The following MBD5 variants were observed in gnomAD, a reference collection of about 807,000 sequenced individuals.
MBD5 encodes methyl-CpG binding domain protein 5, also known as methyl-CpG-binding domain protein 5.
Under a neutral mutation model 117.3 loss-of-function variants are expected in MBD5, and 13 were observed. That is an observed-to-expected ratio of 0.11 (90% CI 0.07 to 0.18). MBD5 has a LOEUF of 0.18. Ranked by LOEUF, MBD5 falls within the 10% of genes least tolerant of loss-of-function variation. MBD5 has a pLI of 1.00. For missense variants in MBD5, 1,879 were observed against 2,093.8 expected (o/e 0.90, Z 2.00); for synonymous variants, 727 against 766.4 (o/e 0.95, Z 0.85).
At chr2:148,311,900 G>T (rs1000820635) in intron 3 of MBD5, among the ~76,000 whole-genome samples, 1 of 152,042 alleles carries the variant, frequency 6.6e-6, no homozygotes, top group East Asian at 1.9e-4. Flanking sequence ...TTTCTCCTTC[G>T]CTTTGGAAGC....
intron 3 of MBD5, among the ~76,000 whole-genome samples, chr2:148,269,817 G>T (rs1049768232): frequency 6.6e-6 from 1 of 151,152 alleles, no homozygotes; most frequent in Non-Finnish European, 1.5e-5. Flanking sequence ...CTCATTCTGG[G>T]ATTCCTTTTA....
At chr2:148,428,446 A>T (rs1289787516) in intron 4 of MBD5, among the ~76,000 whole-genome samples, 1 of 152,152 alleles carries the variant, frequency 6.6e-6, no homozygotes, top group Non-Finnish European at 1.5e-5. Context: ...ATTCAATGTT[A>T]TCCCCATCAA....
rs1006700786 is a variant in MBD5, at chr2:148,102,342, C to T, written c.-924-76358C>T. Among the ~76,000 whole-genome samples, 10 of 152,078 alleles carry T rather than the reference C, an allele frequency of 6.6e-5. 1 individual carries two copies. The highest frequency in any genetic ancestry group is 1.5e-5 in the Non-Finnish European group (1 of 68,010). On this transcript the variant is annotated intron_variant, in intron 1 of 13. Transcript: ENST00000642680. ...CCTAGTTTAAGAAGATGGTAGTGTC[C>T]ACTGTTTCTGTCAGGTGCTTTACAT...
chr2:148,234,992 G>C (rs1700062102), intron 3 of MBD5, among the ~76,000 whole-genome samples: 1 of 152,038 alleles, frequency 6.6e-6, no homozygotes, highest in Non-Finnish European at 1.5e-5. Flanking sequence ...GTATCTGCAA[G>C]GGATTGACTC....
At chr2:148,028,130 TA>T in intron 1 of MBD5, 1 of 152,230 alleles carries the variant, frequency 6.6e-6, no homozygotes, top group Non-Finnish European at 1.5e-5. Context: ...TTTTGATTTG[TA>T]TCCTTATTTC....
At chr2:148,241,834 C>T (rs6721794) in intron 3 of MBD5, among the ~76,000 whole-genome samples, 91,427 of 151,988 alleles carry the variant, frequency 0.6, 27,708 homozygotes, top group East Asian at 0.71. Context: ...CACTCTCTAA[C>T]ATGTCTTCAA....
chr2:148,104,745 T>A (rs1214797594), intron 1 of MBD5, among the ~76,000 whole-genome samples: 3 of 152,168 alleles, frequency 2.0e-5, no homozygotes, highest in Admixed American at 2.0e-4. Flanking sequence ...TGTTTAGAGT[T>A]ATGGGCTTTC....
At chr2:148,347,617 C>T (rs1197097906) in intron 4 of MBD5, 2 of 151,736 alleles carry the variant, frequency 1.3e-5, no homozygotes, top group Non-Finnish European at 2.9e-5. Context: ...CCTCCAGTGC[C>T]GACTTATCCA....
intron 3 of MBD5, among the ~76,000 whole-genome samples, chr2:148,331,292 C>G (rs943635608): frequency 2.0e-5 from 3 of 152,014 alleles, no homozygotes; most frequent in Admixed American, 6.6e-5. Flanking sequence ...ATTAAGTAGT[C>G]GTTCAAGACT....
At chr2:148,310,482 G>T (rs1006558860) in intron 3 of MBD5, among the ~76,000 whole-genome samples, 33 of 152,264 alleles carry the variant, frequency 2.2e-4, no homozygotes, top group African/African-American at 7.9e-4. Flanking sequence ...TGGGGGATCA[G>T]TGGTAATATC....
At chr2:148,286,653 G>A (rs902837740) in intron 3 of MBD5, among the ~76,000 whole-genome samples, 1 of 152,120 alleles carries the variant, frequency 6.6e-6, no homozygotes, top group African/African-American at 2.4e-5. Flanking sequence ...TTTAAAAAAG[G>A]TATTCATTTA....
chr2:148,247,115 T>C (rs1431314083), intron 3 of MBD5, among the ~76,000 whole-genome samples: 1 of 152,210 alleles, frequency 6.6e-6, no homozygotes, highest in Non-Finnish European at 1.5e-5. Flanking sequence ...ATCAGCTTTT[T>C]AGAATATAGA....
intron 1 of MBD5, among the ~76,000 whole-genome samples, chr2:148,102,465 CTGTTACACAGCTGTGACATAGTGA>C (rs2105302385): frequency 6.6e-6 from 1 of 152,150 alleles, no homozygotes; most frequent in South Asian, 2.1e-4. Flanking sequence ...AGTAGCTTGT[CTGTTACACAGCTGTGACATAGTGA>C]GGTTACACAG....
chr2:148,441,383 G>T (rs1706319134), intron 4 of MBD5, among the ~76,000 whole-genome samples: 1 of 151,992 alleles, frequency 6.6e-6, no homozygotes, highest in Non-Finnish European at 1.5e-5. Context: ...GCGATAGTTT[G>T]CTGAGAATGA....
chr2:148,294,524 G>A (rs1224184286), intron 3 of MBD5, among the ~76,000 whole-genome samples: 3 of 46,130 alleles, frequency 6.5e-5, no homozygotes, highest in African/African-American at 1.9e-4. Context: ...TTTTTTTTGA[G>A]ATAGAGCTGG....
chr2:148,410,425 C>G (rs1000578878), intron 4 of MBD5, among the ~76,000 whole-genome samples: 2 of 151,958 alleles, frequency 1.3e-5, no homozygotes, highest in African/African-American at 4.8e-5. Flanking sequence ...TTTATACATT[C>G]TGGATATTAT....
At chr2:148,441,052 C>G (rs540833927) in intron 4 of MBD5, among the ~76,000 whole-genome samples, 125 of 151,732 alleles carry the variant, frequency 8.2e-4, no homozygotes, top group African/African-American at 2.9e-3. Context: ...ATTGGTCATG[C>G]CTCTTTCTAT....
intron 3 of MBD5, among the ~76,000 whole-genome samples, chr2:148,303,196 A>C (rs1352057979): frequency 6.6e-6 from 1 of 152,178 alleles, no homozygotes; most frequent in East Asian, 1.9e-4. Flanking sequence ...TTCAGTAGTA[A>C]ATCAGACAAA....
chr2:148,456,943 C>T (rs1461181406), intron 4 of MBD5, among the ~76,000 whole-genome samples: 1 of 151,672 alleles, frequency 6.6e-6, no homozygotes, highest in African/African-American at 2.4e-5. Context: ...ATGAGAGATC[C>T]AAAAAAAGGT....
Sources: gnomAD v4.1 joint callset for allele counts (sites outside exome capture counted in the v4.1 genomes callset) on GRCh38, gnomAD v4.1.1 for gene constraint, MANE v1.5 for transcripts, NCBI Gene and HGNC (gene_info 2026-07-23, HGNC 2026-07-21) for gene names.